MGAT4C: variants seen among roughly 807,000 people sequenced by gnomAD.
MGAT4C encodes alpha-1,3-mannosyl-glycoprotein 4-beta-N-acetylglucosaminyltransferase C.
Under a neutral mutation model 40.1 loss-of-function variants are expected in MGAT4C, and 19 were observed. The ratio of observed to expected loss-of-function variants is 0.47; its 90% CI spans 0.33 to 0.70. The LOEUF is 0.70. Ranked by LOEUF, MGAT4C falls within the 30% of genes least tolerant of loss-of-function variation. The pLI is 0.02. For synonymous variants in MGAT4C, 181 were observed against 187.1 expected, an observed-to-expected ratio of 0.97 and a Z score of 0.27; for missense variants, 491 against 563.2, an observed-to-expected ratio of 0.87 and a Z score of 1.30.
At chr12:86,695,662 G>A (rs992065087) in intron 2 of MGAT4C, among the ~76,000 whole-genome samples, 1 of 152,060 alleles carries the variant, frequency 6.6e-6, no homozygotes, top group Non-Finnish European at 1.5e-5. Flanking sequence ...AAGTGAAAAG[G>A]CCAGGCACAG....
At chr12:86,691,248 C>G (rs962911320) in intron 2 of MGAT4C, among the ~76,000 whole-genome samples, 2 of 152,112 alleles carry the variant, frequency 1.3e-5, no homozygotes, top group African/African-American at 4.8e-5. Context: ...CATAGTGGAG[C>G]CAGCAGTGAG....
intron 2 of MGAT4C, among the ~76,000 whole-genome samples, chr12:86,718,929 G>A (rs769485406): frequency 2.0e-5 from 3 of 151,952 alleles, no homozygotes; most frequent in African/African-American, 7.3e-5. Context: ...TGCTCTACAC[G>A]GTGGCCTTAG....
intron 2 of MGAT4C, among the ~76,000 whole-genome samples, chr12:86,004,358 T>C (rs11117154): frequency 0.25 from 38,535 of 152,028 alleles, 5,593 homozygotes; most frequent in Non-Finnish European, 0.33. Flanking sequence ...CAGTGGTGGC[T>C]CTAATTATTA....
At chr12:86,001,525 T>C (rs964512410) in intron 2 of MGAT4C, 1 of 574,106 alleles carries the variant, frequency 1.7e-6, no homozygotes, top group Non-Finnish European at 2.2e-6. Context: ...TTCTGGTTGA[T>C]TGATGGATGA....
intron 3 of MGAT4C, among the ~76,000 whole-genome samples, chr12:86,388,147 T>A (rs917416320): frequency 6.6e-6 from 1 of 152,112 alleles, no homozygotes; most frequent in Non-Finnish European, 1.5e-5. Flanking sequence ...ATAATGATAA[T>A]ATATTATTAA....
intron 1 of MGAT4C, among the ~76,000 whole-genome samples, chr12:86,821,221 A>G (rs1226879617): frequency 6.6e-6 from 1 of 150,918 alleles, no homozygotes; most frequent in Non-Finnish European, 1.5e-5. Flanking sequence ...CTTGCAATGT[A>G]TTCTACACAG....
chr12:86,429,491 T>C (rs1460867450), intron 3 of MGAT4C, among the ~76,000 whole-genome samples: 2 of 152,148 alleles, frequency 1.3e-5, no homozygotes, highest in Non-Finnish European at 1.5e-5. Flanking sequence ...ATCTAAAGTG[T>C]TGTTCAAGTC....
chr12:86,596,263 C>T (rs1309432957), intron 2 of MGAT4C, among the ~76,000 whole-genome samples: 1 of 152,120 alleles, frequency 6.6e-6, no homozygotes, highest in Admixed American at 6.6e-5. Context: ...TGAATGTTGA[C>T]ACCAGTATCT....
chr12:86,678,222 T>G (rs1949903138), intron 2 of MGAT4C, among the ~76,000 whole-genome samples: 1 of 152,040 alleles, frequency 6.6e-6, no homozygotes, highest in Non-Finnish European at 1.5e-5. Context: ...TCCATTTAGT[T>G]TAGCCGTTTC....
At chr12:86,636,641 A>G (rs577236865) in intron 2 of MGAT4C, among the ~76,000 whole-genome samples, 20 of 152,140 alleles carry the variant, frequency 1.3e-4, no homozygotes, top group African/African-American at 4.8e-4. Flanking sequence ...AGATATTTTC[A>G]GGTAAGTAAA....
intron 4 of MGAT4C, among the ~76,000 whole-genome samples, chr12:86,277,937 C>T (rs1451564844): frequency 4.6e-5 from 7 of 151,986 alleles, no homozygotes; most frequent in African/African-American, 1.5e-4. Context: ...TTAAGCATGT[C>T]ATTGGCATTT....
intron 1 of MGAT4C, among the ~76,000 whole-genome samples, chr12:86,100,177 A>T (rs1874714189): frequency 6.6e-6 from 1 of 151,488 alleles, no homozygotes; most frequent in Admixed American, 6.6e-5. Context: ...AAATTTTCTT[A>T]ATCAGAGAAT....
intron 1 of MGAT4C, among the ~76,000 whole-genome samples, chr12:86,730,708 GT>G (rs1005953010): frequency 5.9e-5 from 9 of 152,076 alleles, no homozygotes; most frequent in African/African-American, 1.9e-4. Context: ...ATACTGCTGT[GT>G]TTTTGGAGTA....
chr12:86,506,009 C>G (rs951358495), intron 2 of MGAT4C, among the ~76,000 whole-genome samples: 3 of 152,166 alleles, frequency 2.0e-5, no homozygotes, highest in African/African-American at 4.8e-5. Context: ...CTCCTAGATA[C>G]AAGCCAGTAA....
intron 2 of MGAT4C, among the ~76,000 whole-genome samples, chr12:86,718,968 A>G (rs975794709): frequency 1.3e-5 from 2 of 152,146 alleles, no homozygotes; most frequent in African/African-American, 4.8e-5. Flanking sequence ...CATGATGGTT[A>G]CGTTCTTAAA....
chr12:86,698,856 T>C (rs924178459), intron 2 of MGAT4C, among the ~76,000 whole-genome samples: 1 of 152,088 alleles, frequency 6.6e-6, no homozygotes, highest in Non-Finnish European at 1.5e-5. Context: ...TGCCTAGTGT[T>C]AGAGCTGCAA....
intron 1 of MGAT4C, among the ~76,000 whole-genome samples, chr12:86,741,258 T>C (rs1353618207): frequency 2.0e-5 from 3 of 151,306 alleles, no homozygotes; most frequent in South Asian, 4.1e-4. Flanking sequence ...GTGGATGGGA[T>C]AAAAACAATT....
intron 2 of MGAT4C, among the ~76,000 whole-genome samples, chr12:85,990,672 CTT>C (rs1207657510): frequency 6.6e-6 from 1 of 151,816 alleles, no homozygotes; most frequent in African/African-American, 2.4e-5. Context: ...ATATATAAGA[CTT>C]AATATATGAC....
At position 86,497,163 on chromosome 12, in the gene MGAT4C, G is replaced by A. The variant is rs115381712; in HGVS notation, c.-228-61898C>T. On this transcript the variant is annotated intron_variant, in intron 2 of 7. Transcript: ENST00000548651. ...TAAAATTATTTTTAATTCAAAATGT[G>A]TACTTCCTTGTAATTGATTTTAAAT... Among the ~76,000 whole-genome samples, 500 of 151,998 alleles carry A rather than the reference G, an allele frequency of 3.3e-3. 2 individuals are homozygous for A. The highest frequency in any genetic ancestry group is 0.012 in the African/African-American group (483 of 41,512).
Sources: allele counts gnomAD v4.1 joint callset (sites outside exome capture counted in the v4.1 genomes callset), GRCh38; gene constraint gnomAD v4.1.1; transcripts MANE v1.5; gene names NCBI Gene and HGNC (gene_info 2026-07-23, HGNC 2026-07-21).